The following RNF6 variants were observed in gnomAD, a reference collection of about 807,000 sequenced individuals.
The protein encoded by RNF6 is ring finger protein 6.
RNF6 carries 21 observed loss-of-function variants against 50.1 expected under a neutral mutation model. That is an observed-to-expected ratio of 0.42 (90% confidence interval 0.30 to 0.60). The LOEUF (loss-of-function observed/expected upper bound fraction) is 0.60, where lower values mean the gene tolerates loss of function less well. RNF6 is among the 20% of genes least tolerant of loss of function. RNF6 has a pLI of 0.20. For synonymous variants in RNF6, 255 were observed against 291.8 expected (o/e 0.87, Z 1.29); for missense variants, 698 against 838.2 (o/e 0.83, Z 2.07).
chr13:26,161,982 C>G (rs558705585), intron 5 of RNF6, among the ~76,000 whole-genome samples: 5 of 152,278 alleles, frequency 3.3e-5, no homozygotes, highest in Non-Finnish European at 7.3e-5. Flanking sequence ...AACCTTTTGT[C>G]TAAACATTAC....
At chr13:26,142,306 G>T (rs1870999633) in intron 5 of RNF6, 1 of 152,166 alleles carries the variant, frequency 6.6e-6, no homozygotes, top group African/African-American at 2.4e-5. Context: ...TTCAACCACT[G>T]TGGAAATATT....
At chr13:26,166,259 A>G (rs2137621244) in intron 5 of RNF6, among the ~76,000 whole-genome samples, 1 of 152,100 alleles carries the variant, frequency 6.6e-6, no homozygotes, top group East Asian at 1.9e-4. Context: ...ATGGAACTGT[A>G]AGTCCAATAA....
At chr13:26,175,273 G>T (rs1363981208) in intron 5 of RNF6, among the ~76,000 whole-genome samples, 2 of 152,134 alleles carry the variant, frequency 1.3e-5, no homozygotes, top group Non-Finnish European at 2.9e-5. Flanking sequence ...TAGAGACGGG[G>T]TTTGGCCATG....
chr13:26,190,119 G>A (rs538226510), intron 5 of RNF6, among the ~76,000 whole-genome samples: 3 of 152,196 alleles, frequency 2.0e-5, no homozygotes, highest in African/African-American at 2.4e-5. Flanking sequence ...TTTAGAAACC[G>A]ATCGAATGTG....
intron 5 of RNF6, among the ~76,000 whole-genome samples, chr13:26,152,618 C>T (rs1871679917): frequency 1.3e-5 from 2 of 152,154 alleles, no homozygotes; most frequent in Admixed American, 6.5e-5. Flanking sequence ...GTCCTCTACA[C>T]GTGTTTACTG....
chr13:26,170,271 C>A (rs4770938), intron 5 of RNF6, among the ~76,000 whole-genome samples: 117,356 of 151,186 alleles, frequency 0.78, 45,980 homozygotes, highest in Non-Finnish European at 0.84. Flanking sequence ...GAGTCAAGAT[C>A]CTAACTATTA....
At chr13:26,185,671 G>A (rs1376562938) in intron 5 of RNF6, among the ~76,000 whole-genome samples, 1 of 152,126 alleles carries the variant, frequency 6.6e-6, no homozygotes, top group African/African-American at 2.4e-5. Flanking sequence ...GCTTGAACCC[G>A]GGAGGCGGAG....
intron 5 of RNF6, among the ~76,000 whole-genome samples, chr13:26,156,076 A>G (rs7321667): frequency 0.72 from 109,253 of 152,108 alleles, 39,590 homozygotes; most frequent in East Asian, 0.83. Context: ...GGCAGAAAAC[A>G]TAGAATGGAT....
chr13:26,214,231 C>T lies in RNF6; in HGVS notation c.1651G>A (p.Gly551Ser), dbSNP rs762990413. 11 of 1,614,062 alleles carry T rather than the reference C, an allele frequency of 6.8e-6. No individual in the cohort carries two copies. The highest frequency in any genetic ancestry group is 9.3e-6 in the Non-Finnish European group (11 of 1,180,036). Residue 551 changes from glycine (G) to serine (S), a missense_variant, in exon 5 of 5, where the codon GGT becomes AGT. Coordinates refer to ENST00000381588, the MANE Select transcript of RNF6 (RefSeq NM_005977.4). ...TGAGGCTGGGTGGTCTCGTTTTCAC[C>T]ATGCATTTCAGTGCTGTCTCCTTGG... ...QAQGDSTEMH[G>S]ENETTQPHTR...
chr13:26,200,102 G>A (rs548352269), intron 5 of RNF6, among the ~76,000 whole-genome samples: 1 of 152,206 alleles, frequency 6.6e-6, no homozygotes, highest in South Asian at 2.1e-4. Flanking sequence ...TGCACTTCCC[G>A]ACCTCCAGAA....
At chr13:26,168,874 A>G (rs1872564079) in intron 5 of RNF6, among the ~76,000 whole-genome samples, 1 of 152,142 alleles carries the variant, frequency 6.6e-6, no homozygotes, top group Non-Finnish European at 1.5e-5. Flanking sequence ...CGGTGGCCGC[A>G]CAGCTGTAGT....
intron 5 of RNF6, among the ~76,000 whole-genome samples, chr13:26,181,669 G>A (rs1182532363): frequency 6.6e-6 from 1 of 152,178 alleles, no homozygotes; most frequent in Non-Finnish European, 1.5e-5. Context: ...AGAAGGAGGG[G>A]AGGTCAAGAC....
intron 5 of RNF6, among the ~76,000 whole-genome samples, chr13:26,206,315 G>T (rs528167371): frequency 6.6e-6 from 1 of 152,274 alleles, no homozygotes; most frequent in South Asian, 2.1e-4. Context: ...CTGGCAGGGT[G>T]GCACGAGACA....
chr13:26,174,305 G>A (rs1041054174), intron 5 of RNF6, among the ~76,000 whole-genome samples: 2 of 152,260 alleles, frequency 1.3e-5, no homozygotes, highest in African/African-American at 4.8e-5. Flanking sequence ...GAATATGCTG[G>A]AGTTCGGTTA....
chr13:26,197,011 T>C (rs1868693088), intron 5 of RNF6, among the ~76,000 whole-genome samples: 1 of 151,852 alleles, frequency 6.6e-6, no homozygotes, highest in Non-Finnish European at 1.5e-5. Context: ...AAATGGAAAG[T>C]TAAATATGGG....
In RNF6 at chr13:26,219,624, T is replaced by A. The variant is rs764910626; in HGVS notation, c.26A>T (p.Asp9Val). The change falls in exon 3 of 5, where the codon GAT (aspartate) becomes GTT (valine). Residue 9 changes from aspartate (D) to valine (V), a missense_variant. Physicochemically the swap from Asp to Val is radical, Grantham distance 152. Transcript: ENST00000381588. MNQSRSRS[D>V]GGSEETLPQD... Reference sequence around the variant, plus strand: ...AGGTAAGGTTTCTTCACTGCCACCATCTGATCTCGATCTAGACTGATTCAT... The same window carrying A: ...AGGTAAGGTTTCTTCACTGCCACCAACTGATCTCGATCTAGACTGATTCAT... 3 of 1,613,638 alleles carry A rather than the reference T, an allele frequency of 1.9e-6. No homozygotes were observed. The highest frequency in any genetic ancestry group is 2.7e-5 in the African/African-American group (2 of 75,054).
chr13:26,181,321 C>T (rs938745468), intron 5 of RNF6, among the ~76,000 whole-genome samples: 2 of 152,164 alleles, frequency 1.3e-5, no homozygotes, highest in African/African-American at 2.4e-5. Context: ...GTTGGGAACA[C>T]CAAGATTGGG....
chr13:26,190,845 A>G (rs17435472), intron 5 of RNF6, among the ~76,000 whole-genome samples: 9,456 of 152,272 alleles, frequency 0.062, 410 homozygotes, highest in Non-Finnish European at 0.097. Flanking sequence ...AAAGGATGCA[A>G]TGGCCAGTGG....
chr13:26,191,142 G>A (rs1423904963), intron 5 of RNF6, among the ~76,000 whole-genome samples: 4 of 152,136 alleles, frequency 2.6e-5, no homozygotes, highest in Admixed American at 2.6e-4. Context: ...AAGTTGGAGG[G>A]CAGGAGTGGT....
Sources: gnomAD v4.1 joint callset for allele counts (sites outside exome capture counted in the v4.1 genomes callset) on GRCh38, gnomAD v4.1.1 for gene constraint, MANE v1.5 for transcripts, NCBI Gene and HGNC (gene_info 2026-07-23, HGNC 2026-07-21) for gene names.